The following NEK1 variants were observed in gnomAD, a reference collection of about 807,000 sequenced individuals.
The protein encoded by NEK1 is NIMA related kinase 1.
A neutral mutation model predicts 182.1 loss-of-function variants in NEK1; 137 were observed. The ratio of observed to expected loss-of-function variants is 0.75; its 90% CI spans 0.65 to 0.87. The LOEUF is 0.87. NEK1 is among the 40% of genes least tolerant of loss of function. The probability of loss-of-function intolerance (pLI) is 0.00; values close to 1 mark genes in which losing one functional copy is unlikely to be tolerated. For missense variants in NEK1, 1,391 were observed against 1,494.4 expected (o/e 0.93, Z 1.14); for synonymous variants, 513 against 492.2 (o/e 1.04, Z -0.56).
Position 169,589,626 on chromosome 4 carries a change from T to G in NEK1, c.397-112A>C, listed in dbSNP as rs552734252. ...GTTAAAAAAATTGTGCTAGAGTAACTGGATATTCACATACAAAAGAATAAA... is the reference window on the plus strand; with the variant it reads ...GTTAAAAAAATTGTGCTAGAGTAACGGGATATTCACATACAAAAGAATAAA... On this transcript the variant is annotated intron_variant, in intron 6 of 35. Coordinates refer to ENST00000507142, the MANE Select transcript of NEK1 (RefSeq NM_001199397.3). 1.5e-4 allele frequency: 96 copies of G among 657,334 alleles called. 1 individual carries two copies. The South Asian group carries it at 1.9e-3, about 13-fold the overall frequency. The allele number at this position is 657,334 out of a possible 1,614,324, so 40.7% of individuals were successfully genotyped here.
At chr4:169,472,485 A>G (rs982889413) in intron 26 of NEK1, among the ~76,000 whole-genome samples, 8 of 152,154 alleles carry the variant, frequency 5.3e-5, no homozygotes, top group South Asian at 2.1e-4. Flanking sequence ...ACCAGTCCCA[A>G]TGAGATGAAC....
At chr4:169,497,013 G>T (rs1195363919) in intron 23 of NEK1, among the ~76,000 whole-genome samples, 1 of 151,970 alleles carries the variant, frequency 6.6e-6, no homozygotes, top group African/African-American at 2.4e-5. Context: ...GGTAGAATTC[G>T]GCTGTGAATC....
chr4:169,434,732 C>T (rs1238882838), intron 28 of NEK1, among the ~76,000 whole-genome samples: 1 of 152,146 alleles, frequency 6.6e-6, no homozygotes, highest in Non-Finnish European at 1.5e-5. Context: ...TTAAAGCTTC[C>T]AATTATCTGT....
chr4:169,506,953 A>G, intron 23 of NEK1, 84 bp downstream of exon 23: 1 of 816,690 alleles, frequency 1.2e-6, no homozygotes. Context: ...AAAGCACAAG[A>G]AAATTATAAT....
At chr4:169,425,693 T>A (rs922195250) in intron 30 of NEK1, among the ~76,000 whole-genome samples, 2 of 152,044 alleles carry the variant, frequency 1.3e-5, no homozygotes, top group Admixed American at 6.5e-5. Context: ...ATTTAAAAAA[T>A]TTTTTGTAGA....
intron 27 of NEK1, among the ~76,000 whole-genome samples, chr4:169,450,835 A>G (rs1741584021): frequency 6.6e-6 from 1 of 152,208 alleles, no homozygotes; most frequent in African/African-American, 2.4e-5. Flanking sequence ...AATGGGCTAA[A>G]TGCCCCAATT....
chr4:169,409,448 A>C (rs1490623648), intron 31 of NEK1, among the ~76,000 whole-genome samples: 1 of 148,820 alleles, frequency 6.7e-6, no homozygotes, highest in Admixed American at 6.7e-5. Flanking sequence ...CCGGCCACTT[A>C]CCTGTTTTTG....
intron 23 of NEK1, among the ~76,000 whole-genome samples, chr4:169,486,656 T>A (rs193197965): frequency 2.6e-5 from 4 of 152,214 alleles, no homozygotes; most frequent in African/African-American, 9.7e-5. Context: ...GTATTTGTAT[T>A]TGAATAAATT....
chr4:169,567,231 T>G (rs1475739037), intron 12 of NEK1, among the ~76,000 whole-genome samples: 1 of 152,242 alleles, frequency 6.6e-6, no homozygotes, highest in Non-Finnish European at 1.5e-5. Context: ...CACAATCGAC[T>G]GCCGTTTCTT....
intron 24 of NEK1, 99 bp downstream of exon 24, chr4:169,479,304 C>A: frequency 2.4e-6 from 3 of 1,250,060 alleles, no homozygotes; most frequent in East Asian, 2.5e-5. Context: ...CTTAGAAAAA[C>A]CTGAAAGGGA....
At chr4:169,585,761 G>A (rs969709156) in intron 9 of NEK1, among the ~76,000 whole-genome samples, 6 of 151,842 alleles carry the variant, frequency 4.0e-5, no homozygotes, top group Non-Finnish European at 5.9e-5. Context: ...TTACTTATTC[G>A]AAATATTTAA....
chr4:169,513,980 T>TATTTA (rs1321806468), intron 19 of NEK1, among the ~76,000 whole-genome samples: 1 of 150,946 alleles, frequency 6.6e-6, no homozygotes, highest in East Asian at 1.9e-4. Flanking sequence ...TTTATTTATT[T>TATTTA]ATTTATTTAT....
At chr4:169,467,963 TTAAATA>T (rs1182783509) in intron 26 of NEK1, among the ~76,000 whole-genome samples, 1 of 152,048 alleles carries the variant, frequency 6.6e-6, no homozygotes, top group African/African-American at 2.4e-5. Context: ...GAAACCCATG[TTAAATA>T]TAAAGACACA....
chr4:169,500,035 C>T lies in NEK1; in HGVS notation c.2007+7002G>A, dbSNP rs561558778. Among the ~76,000 whole-genome samples, 161 of 152,346 alleles carry T rather than the reference C, an allele frequency of 1.1e-3. 1 individual carries two copies. The highest frequency in any genetic ancestry group is 1.0e-3 in the Admixed American group (16 of 15,306). Reference sequence around the variant, plus strand: ...GAGGCAGGCAGGCCTCCATGAGCTGCGGTGGGCTCCACCCAGTTTGAGCTT... The same window carrying T: ...GAGGCAGGCAGGCCTCCATGAGCTGTGGTGGGCTCCACCCAGTTTGAGCTT... On this transcript the variant is annotated intron_variant, in intron 23 of 35. Transcript: ENST00000507142.
intron 16 of NEK1, among the ~76,000 whole-genome samples, chr4:169,560,271 C>A (rs976645149): frequency 2.6e-5 from 4 of 152,148 alleles, no homozygotes; most frequent in African/African-American, 9.7e-5. Flanking sequence ...TTTACTGGTT[C>A]TTGGCAGAAT....
chr4:169,440,839 T>C (rs1360954037), intron 27 of NEK1, among the ~76,000 whole-genome samples: 2 of 152,136 alleles, frequency 1.3e-5, no homozygotes, highest in African/African-American at 2.4e-5. Flanking sequence ...AAGTGATGCA[T>C]TATTCTAGAG....
Position 169,438,175 on chromosome 4 carries a change from G to A in NEK1, c.2672C>T (p.Ser891Leu). Residue 891 changes from serine to leucine, a missense_variant, in exon 28 of 36, where the codon TCA becomes TTA. Transcript: ENST00000507142. ...VQCISHEINP[S>L]AIVDSPVETK... ...CTCAACAGGAGAATCAACAATAGCT[G>A]ATGGGTTTATTTCATGTGAAATACA... The A allele has an allele frequency of 1.9e-6, 3 of 1,604,134 alleles. 1 individual carries two copies. The highest frequency in any genetic ancestry group is 2.2e-5 in the South Asian group (2 of 89,204).
chr4:169,515,025 GTGTC>G (rs1006443248), intron 19 of NEK1, among the ~76,000 whole-genome samples: 2 of 152,006 alleles, frequency 1.3e-5, no homozygotes, highest in Non-Finnish European at 2.9e-5. Context: ...TGTGCGTTGT[GTGTC>G]TATTTCCATT....
chr4:169,525,992 T>C (rs1029400856), intron 19 of NEK1, among the ~76,000 whole-genome samples: 2 of 152,218 alleles, frequency 1.3e-5, no homozygotes, highest in African/African-American at 4.8e-5. Context: ...AAAGAATTAC[T>C]ATCAGGAGTA....
Sources: gnomAD v4.1 joint callset for allele counts (sites outside exome capture counted in the v4.1 genomes callset) on GRCh38, gnomAD v4.1.1 for gene constraint, MANE v1.5 for transcripts, NCBI Gene and HGNC (gene_info 2026-07-23, HGNC 2026-07-21) for gene names.